Variants in NSUN6 observed in about 807,000 individuals in gnomAD.
NSUN6 encodes NOP2/Sun RNA methyltransferase 6.
Under a neutral mutation model 58.0 loss-of-function variants are expected in NSUN6, and 64 were observed. That is an observed-to-expected ratio of 1.10 (90% CI 0.90 to 1.36). The LOEUF (loss-of-function observed/expected upper bound fraction) is 1.36. NSUN6 is among the 40% of genes most tolerant of loss of function. NSUN6 has a pLI of 0.00. For synonymous variants in NSUN6, 231 were observed against 193.9 expected (o/e 1.19, Z -1.59); for missense variants, 701 against 550.1 (o/e 1.27, Z -2.74).
intron 10 of NSUN6, among the ~76,000 whole-genome samples, chr10:18,546,886 G>GAAAGA (rs370859419): frequency 1.4e-3 from 201 of 148,102 alleles, no homozygotes; most frequent in African/African-American, 4.6e-3. Context: ...AACAAAAAAT[G>GAAAGA]AAAGAAAAGA....
At chr10:18,634,594 A>T (rs545563479) in intron 3 of NSUN6, among the ~76,000 whole-genome samples, 49 of 143,638 alleles carry the variant, frequency 3.4e-4, no homozygotes, top group African/African-American at 1.2e-3. Flanking sequence ...TACTAAAAAA[A>T]ATACAAAAAA....
chr10:18,554,930 A>AGAATG (rs149444692), intron 8 of NSUN6, among the ~76,000 whole-genome samples: 51,238 of 149,234 alleles, frequency 0.34, 9,320 homozygotes, highest in East Asian at 0.73. Flanking sequence ...AATGGAATCA[A>AGAATG]GAATGGAATG....
rs1169546229 is a variant in NSUN6 at position 18,553,908 on chromosome 10, A to G, written c.923-1937T>C. Among the ~76,000 whole-genome samples, 3 of 151,062 alleles carry G rather than the reference A, an allele frequency of 2.0e-5. No homozygotes were observed. In the East Asian group the frequency reaches 5.9e-4, roughly 30 times the overall value. Reference sequence around the variant, plus strand: ...CAGAGTGGAATGAGATGGAGAATGGAATGGAATGGAATGGAGAACGGTATG... The same window carrying G: ...CAGAGTGGAATGAGATGGAGAATGGGATGGAATGGAATGGAGAACGGTATG... On this transcript the variant is annotated intron_variant, in intron 8 of 10. Transcript: ENST00000377304.
rs2058404857 is a variant in NSUN6 at position 18,616,226 on chromosome 10, C to T, written c.379G>A (p.Gly127Arg). 9 of 1,608,048 alleles carry T rather than the reference C, an allele frequency of 5.6e-6. No homozygotes were observed. Among genetic ancestry groups the T allele is most frequent in the Non-Finnish European group, 7.7e-6 (9 of 1,174,656 alleles). The change falls in exon 4 of 11, where the codon GGA (glycine) becomes AGA (arginine). Residue 127 changes from glycine (G) to arginine (R), a missense_variant. By Grantham distance (125) the Gly-to-Arg change is moderately radical. Transcript: ENST00000377304. ...ATTCCTGGGGCATAGACATGGGCTC[C>T]TCTTAAAACTGCATTGCCACACTGG... ...GAQCGNAVLRGAHVYAPGIVS... is the reference protein window; with the variant it reads ...GAQCGNAVLRRAHVYAPGIVS...
rs578039296 is a variant in NSUN6, at chr10:18,596,177, G to A, written c.777+31C>T. On this transcript the variant is annotated intron_variant, in intron 7 of 10. Transcript: ENST00000377304. ...CACATTGTGAAATATACACTACTTT[G>A]AGAGTGGATTTGCTGTGAAGACAGT... The A allele has an allele frequency of 4.4e-6, 7 of 1,578,782 alleles. No individual in the cohort carries two copies. In the East Asian group the frequency reaches 1.3e-4, roughly 30 times the overall value.
chr10:18,562,697 CGGAATGGAATGGAGAAT>C (rs1564723112), intron 8 of NSUN6, among the ~76,000 whole-genome samples: 2 of 132,752 alleles, frequency 1.5e-5, no homozygotes, highest in Non-Finnish European at 1.6e-5. Flanking sequence ...GAATAGAGAA[CGGAATGGAATGGAGAAT>C]GGAATGGAAT....
chr10:18,624,744 T>G (rs545776845), intron 3 of NSUN6, among the ~76,000 whole-genome samples: 362 of 148,104 alleles, frequency 2.4e-3, no homozygotes, highest in Non-Finnish European at 4.1e-3. Context: ...GTAACAGGCT[T>G]GAGACTGCGG....
intron 6 of NSUN6, among the ~76,000 whole-genome samples, chr10:18,606,515 G>C (rs917989828): frequency 1.3e-5 from 2 of 152,148 alleles, no homozygotes; most frequent in Non-Finnish European, 2.9e-5. Context: ...GGAGTTTAGG[G>C]TAATGTGATA....
chr10:18,654,164 C>T (rs1335832129), upstream of NSUN6, among the ~76,000 whole-genome samples: 2 of 152,128 alleles, frequency 1.3e-5, no homozygotes, highest in Admixed American at 6.5e-5. Context: ...GGCATGATCT[C>T]GGCTCACTGC....
rs1158903360 is a variant in NSUN6, at chr10:18,581,592, C to T, written c.922+4357G>A. On this transcript the variant is annotated intron_variant, in intron 8 of 10. Transcript: ENST00000377304. Reference sequence around the variant, plus strand: ...CTGTAATTCCAGCACTTTGGGAGGCCGAGGTGGGCGGATCACAAGGTCAAG... The same window carrying T: ...CTGTAATTCCAGCACTTTGGGAGGCTGAGGTGGGCGGATCACAAGGTCAAG... 2.6e-5 allele frequency among the ~76,000 whole-genome samples: 4 copies of T among 152,094 alleles called. No individual in the cohort carries two copies. The South Asian group carries it at 6.2e-4, about 24-fold the overall frequency.
chr10:18,640,837 T>C (rs1400668236), intron 3 of NSUN6, among the ~76,000 whole-genome samples: 4 of 151,538 alleles, frequency 2.6e-5, no homozygotes, highest in Non-Finnish European at 5.9e-5. Context: ...CAACTTTAAT[T>C]GCAAAAATAC....
intron 8 of NSUN6, among the ~76,000 whole-genome samples, chr10:18,561,432 A>G: frequency 2.1e-5 from 2 of 94,080 alleles, no homozygotes; most frequent in South Asian, 4.8e-4. Flanking sequence ...ATGGTATGGA[A>G]AATGGAATGG....
chr10:18,615,106 C>CATATATATATATAT (rs5783616), intron 4 of NSUN6, among the ~76,000 whole-genome samples: 55 of 147,064 alleles, frequency 3.7e-4, no homozygotes, highest in African/African-American at 1.3e-3. Flanking sequence ...TATAGTCATT[C>CATATATATATATAT]ATATATATAT....
chr10:18,640,115 C>T (rs764470497), intron 3 of NSUN6, among the ~76,000 whole-genome samples: 1 of 152,174 alleles, frequency 6.6e-6, no homozygotes, highest in African/African-American at 2.4e-5. Context: ...GTTACATAAT[C>T]GTGGAACGAT....
intron 8 of NSUN6, among the ~76,000 whole-genome samples, chr10:18,572,125 A>C: frequency 7.2e-6 from 1 of 139,694 alleles, no homozygotes; most frequent in Non-Finnish European, 1.6e-5. Flanking sequence ...TTCCAGTTCA[A>C]TCTCCATTCC....
At position 18,621,578 on chromosome 10, in the gene NSUN6, T is replaced by C. The variant is rs139764142; in HGVS notation, c.312-5285A>G. On this transcript the variant is annotated intron_variant, in intron 3 of 10. Coordinates refer to ENST00000377304, the MANE Select transcript of NSUN6 (RefSeq NM_182543.5). ...AAAGTTGGTGCAAGGCCATAAAATA[T>C]GCTAAAAGCTTGATTTTTATTGAAA... 1.1e-3 allele frequency among the ~76,000 whole-genome samples: 172 copies of C among 152,330 alleles called. 2 individuals carry two copies. Among genetic ancestry groups the C allele is most frequent in the African/African-American group, 3.8e-3 (160 of 41,582 alleles).
At chr10:18,559,994 G>C (rs777226363) in intron 8 of NSUN6, among the ~76,000 whole-genome samples, 12 of 149,880 alleles carry the variant, frequency 8.0e-5, no homozygotes, top group Non-Finnish European at 1.5e-4. Flanking sequence ...GAATGGAATA[G>C]AGAATGGAAT....
At chr10:18,609,323 ATAAT>A (rs1381902351) in intron 6 of NSUN6, among the ~76,000 whole-genome samples, 1 of 151,984 alleles carries the variant, frequency 6.6e-6, no homozygotes, top group African/African-American at 2.4e-5. Flanking sequence ...AATAATAATA[ATAAT>A]TATTATTATT....
At chr10:18,582,131 A>C (rs1235088369) in intron 8 of NSUN6, among the ~76,000 whole-genome samples, 1 of 152,094 alleles carries the variant, frequency 6.6e-6, no homozygotes, top group Non-Finnish European at 1.5e-5. Flanking sequence ...GTGTGAGCCC[A>C]CTCAGCCAAC....
Sources: gnomAD v4.1 joint callset for allele counts (sites outside exome capture counted in the v4.1 genomes callset) on GRCh38, gnomAD v4.1.1 for gene constraint, MANE v1.5 for transcripts, NCBI Gene and HGNC (gene_info 2026-07-23, HGNC 2026-07-21) for gene names.